MAGEC1: variants seen among roughly 807,000 people sequenced by gnomAD.
The protein encoded by MAGEC1 is MAGE family member C1, also known as melanoma-associated antigen C1.
MAGEC1 carries 3 observed loss-of-function variants against 1.5 expected under a neutral mutation model. The observed-to-expected ratio is 1.97, with a 90% CI of 0.90 to 5.10. The LOEUF (loss-of-function observed/expected upper bound fraction) is 5.10. MAGEC1 is among the 30% of genes most tolerant of loss of function. The pLI, the probability that MAGEC1 is intolerant of heterozygous loss-of-function variation, is 0.02. For missense variants in MAGEC1, 985 were observed against 803.1 expected, an observed-to-expected ratio of 1.23 and a Z score of -2.74; for synonymous variants, 357 against 310.4, an observed-to-expected ratio of 1.15 and a Z score of -1.58.
rs1036681680 is a variant in MAGEC1, at chrX:141,904,802, G to A, written c.-116G>A. Reference sequence around the variant, plus strand: ...CCACAGCAGAGGAGGCCCAGGCAGTGCCAGGAGTCAAGGTGAGTGCACGAC... The same window carrying A: ...CCACAGCAGAGGAGGCCCAGGCAGTACCAGGAGTCAAGGTGAGTGCACGAC... On this transcript the variant is annotated 5_prime_UTR_variant, in exon 2 of 4. Transcript: ENST00000285879. 7.2e-6 allele frequency: 3 copies of A among 413,875 alleles called. No homozygotes were observed. Among genetic ancestry groups the A allele is most frequent in the African/African-American group, 5.0e-5 (2 of 39,666 alleles). The allele number at this position is 413,875 out of a possible 1,213,427, so 34.1% of individuals were successfully genotyped here.
At position 141,906,566 on chromosome X, in the gene MAGEC1, C is replaced by A. The variant is rs113701062; in HGVS notation, c.1162C>A (p.Leu388Ile). ...CTCCTTCTCCTCCACTTTACTGAGT[C>A]TTTTCCAGAGTTCCCCTGAGAGAAC... ...SPSFSSTLLS[L>I]FQSSPERTHS... Residue 388 changes from leucine (L) to isoleucine (I), a missense_variant, in exon 4 of 4, where the codon CTT becomes ATT. Physicochemically the swap from Leu to Ile is conservative, Grantham distance 5. Transcript: ENST00000285879. 1,143 of 1,192,485 alleles carry A rather than the reference C, an allele frequency of 9.6e-4. 13 individuals are homozygous for A. In the African/African-American group the frequency reaches 0.017, roughly 17 times the overall value.
In MAGEC1 at chrX:141,908,076, TGACA is replaced by T. The variant is rs2124152714; in HGVS notation, c.2678_2681del (p.Asp893AlafsTer4). ...GACACCTTGCTAGAGAGTGATTCCT[TGACA>T]GACAGCGAGTCCTTGATAGAGAGCG... On this transcript the variant is annotated frameshift_variant, in exon 4 of 4. Transcript: ENST00000285879. LOFTEE classifies it low-confidence loss of function (END_TRUNC). 1 of 1,212,045 alleles carries T rather than the reference TGACA, an allele frequency of 8.3e-7. No homozygotes were observed. The highest frequency in any genetic ancestry group is 1.1e-6 in the Non-Finnish European group (1 of 895,595).
In MAGEC1 at chrX:141,905,993, C is replaced by T. The variant is rs747108314; in HGVS notation, c.589C>T (p.Pro197Ser). Residue 197 changes from proline (P) to serine (S), a missense_variant, in exon 4 of 4, where the codon CCA becomes TCA. Physicochemically the swap from Pro to Ser is moderately conservative, Grantham distance 74. Coordinates refer to ENST00000285879, the MANE Select transcript of MAGEC1 (RefSeq NM_005462.5). Reference protein sequence around the residue: ...QSPFEGFPQSPLQIPVSRSFS... With the variant: ...QSPFEGFPQSSLQIPVSRSFS... The stretch of plus-strand genomic sequence containing the variant: ...TCCTTTTGAGGGTTTTCCCCAGTCT[C>T]CACTCCAGATTCCTGTGAGCCGCTC... The T allele has an allele frequency of 1.2e-5, 14 of 1,206,478 alleles. No individual in the cohort carries two copies. Among genetic ancestry groups the T allele is most frequent in the South Asian group, 1.8e-5 (1 of 56,457 alleles).
rs1205955531 is a variant in MAGEC1, at chrX:141,905,605, C to T, written c.201C>T (p.Leu67=). ...AGGGGGAGGACTCCTCGGATCCTCT[C>T]CAGAGACCTCCTGAGGGGAAGGACT... ...RSEGEDSSDP[L]QRPPEGKDSQ... The change falls in exon 4 of 4, where the codon CTC becomes CTT. Residue 67 remains leucine, a synonymous_variant. Transcript: ENST00000285879. 8.3e-7 allele frequency: 1 copy of T among 1,203,279 alleles called. No homozygotes were observed. The highest frequency in any genetic ancestry group is 1.1e-6 in the Non-Finnish European group (1 of 892,925).
In MAGEC1 at chrX:141,908,913, A is replaced by T; in HGVS notation, c.*80A>T. On this transcript the variant is annotated 3_prime_UTR_variant, in exon 4 of 4. Transcript: ENST00000285879. ...TGGTGGAGGGCCTGGTTGAGGCTGG[A>T]GAGAACACAGTGCTATTTGCATTTC... is the stretch of plus-strand genomic sequence containing the variant. 1.2e-6 allele frequency: 1 copy of T among 852,782 alleles called. No individual in the cohort carries two copies. Among genetic ancestry groups the T allele is most frequent in the Non-Finnish European group, 1.6e-6 (1 of 610,515 alleles). 70.3% of individuals were successfully genotyped at this position (852,782 alleles called of 1,213,427 possible). A position where few individuals can be genotyped will look rare whatever the true frequency, so the allele number is the denominator to read the frequency against.
rs763952638 is a variant in MAGEC1, at chrX:141,908,504, C to A, written c.3100C>A (p.His1034Asn). ...AATAGGGGTGCGTGCTGGGAGGGAG[C>A]ACTTTGCCTTTGGGGAGCCCAGGGA... ...SGIGVRAGRE[H>N]FAFGEPRELL... Residue 1034 changes from histidine to asparagine, a missense_variant, in exon 4 of 4, where the codon CAC becomes AAC. By Grantham distance (68) the His-to-Asn change is moderately conservative. Coordinates refer to ENST00000285879, the MANE Select transcript of MAGEC1 (RefSeq NM_005462.5). 2.5e-6 allele frequency: 3 copies of A among 1,194,850 alleles called. No homozygotes were observed. Among genetic ancestry groups the A allele is most frequent in the Non-Finnish European group, 3.4e-6 (3 of 886,995 alleles).
rs1017878135 is a variant in MAGEC1, at chrX:141,907,759, C to T, written c.2355C>T (p.Tyr785=). ...LQRPVSSFFS[Y]TLASLLQSSH... ...GACCTGTCAGCTCCTTCTTCTCCTA[C>T]ACTTTAGCGAGTCTTCTCCAAAGTT... The change falls in exon 4 of 4, where the codon TAC becomes TAT. Residue 785 remains tyrosine, a synonymous_variant. Transcript: ENST00000285879. The T allele has an allele frequency of 4.1e-6, 5 of 1,209,809 alleles. No individual in the cohort carries two copies. Among genetic ancestry groups the T allele is most frequent in the Non-Finnish European group, 5.6e-6 (5 of 894,898 alleles).
Position 141,906,051 on chromosome X carries a change from G to A in MAGEC1, c.647G>A (p.Ser216Asn). The A allele has an allele frequency of 4.3e-6, 5 of 1,165,973 alleles. No homozygotes were observed. In the South Asian group the frequency reaches 9.1e-5, roughly 21 times the overall value. Reference protein sequence around the residue: ...FSSTLLSIFQSSPERTQSTFE... With the variant: ...FSSTLLSIFQNSPERTQSTFE... ...TCCACTTTATTGAGTATTTTCCAGA[G>A]TTCCCCTGAGAGAACTCAGAGTACT... is the stretch of plus-strand genomic sequence containing the variant. Residue 216 changes from serine to asparagine, a missense_variant, in exon 4 of 4, where the codon AGT becomes AAT. Transcript: ENST00000285879.
At chrX:141,904,428 G>A (rs1037824669) in intron 1 of MAGEC1, among the ~76,000 whole-genome samples, 1 of 110,591 alleles carries the variant, frequency 9.0e-6, no homozygotes, top group Admixed American at 9.5e-5. Context: ...GGACTGAGGG[G>A]TCACATGTGC....
rs1174975667 is a variant in MAGEC1 at position 141,908,853 on chromosome X, C to T, written c.*20C>T. 5 of 1,157,530 alleles carry T rather than the reference C, an allele frequency of 4.3e-6. No homozygotes were observed. Among genetic ancestry groups the T allele is most frequent in the South Asian group, 2.1e-5 (1 of 47,962 alleles). ...GAGTGAAGTCTAGGGCAGATTCTTCCCTCTGAGTTTGAAGGGGGCAGTCGA... is the reference window on the plus strand; with the variant it reads ...GAGTGAAGTCTAGGGCAGATTCTTCTCTCTGAGTTTGAAGGGGGCAGTCGA... On this transcript the variant is annotated 3_prime_UTR_variant, in exon 4 of 4. Coordinates refer to ENST00000285879, the MANE Select transcript of MAGEC1 (RefSeq NM_005462.5).
rs140839403 is a variant in MAGEC1 at position 141,908,081 on chromosome X, G to A, written c.2677G>A (p.Asp893Asn). The A allele has an allele frequency of 9.7e-5, 118 of 1,210,432 alleles. No individual in the cohort carries two copies. The highest frequency in any genetic ancestry group is 1.3e-4 in the Non-Finnish European group (114 of 895,372). ...CTTGCTAGAGAGTGATTCCTTGACA[G>A]ACAGCGAGTCCTTGATAGAGAGCGA... is the stretch of plus-strand genomic sequence containing the variant. ...DTLLESDSLT[D>N]SESLIESEPL... Residue 893 changes from aspartate to asparagine, a missense_variant, in exon 4 of 4, where the codon GAC becomes AAC. Transcript: ENST00000285879.
Position 141,907,247 on chromosome X carries a change from C to G in MAGEC1, c.1843C>G (p.Pro615Ala). ...GTCTCCTCTCTACTTTCCTCAGAGT[C>G]CTCTTCAGGGGGAGGAATTCCAGTC... is the stretch of plus-strand genomic sequence containing the variant. ...SMSPLYFPQS[P>A]LQGEEFQSSL... is the part of the protein sequence containing the mutation. The change falls in exon 4 of 4, where the codon CCT (proline) becomes GCT (alanine). Residue 615 changes from proline (P) to alanine (A), a missense_variant. Pro to Ala is a conservative substitution (Grantham distance 27). Transcript: ENST00000285879. The G allele has an allele frequency of 8.3e-7, 1 of 1,210,374 alleles. No individual in the cohort carries two copies. Among genetic ancestry groups the G allele is most frequent in the Non-Finnish European group, 1.1e-6 (1 of 895,040 alleles).
At position 141,907,318 on chromosome X, in the gene MAGEC1, C is replaced by T; in HGVS notation, c.1914C>T (p.Ser638=). ...GCATCTGCTCCTCCTCCACTCCATC[C>T]AGTCTTCCCCAGAGTTTCCCTGAGA... ...PVSICSSSTP[S]SLPQSFPESS... The change falls in exon 4 of 4, where the codon TCC becomes TCT. Residue 638 remains serine, a synonymous_variant. Transcript: ENST00000285879. 1.7e-6 allele frequency: 2 copies of T among 1,203,087 alleles called. No homozygotes were observed. Among genetic ancestry groups the T allele is most frequent in the Non-Finnish European group, 2.2e-6 (2 of 892,206 alleles).
Position 141,907,504 on chromosome X carries a change from G to T in MAGEC1, c.2100G>T (p.Glu700Asp). ...TCCAAATTCCTCAGAGTCCTCTTGA[G>T]GGAGAGGACTCCCTGTCTTCTCTCC... ...SPLQIPQSPL[E>D]GEDSLSSLHF... The change falls in exon 4 of 4, where the codon GAG becomes GAT. Residue 700 changes from glutamate (E) to aspartate (D), a missense_variant. By Grantham distance (45) the Glu-to-Asp change is conservative. Transcript: ENST00000285879. 8.3e-7 allele frequency: 1 copy of T among 1,201,984 alleles called. No homozygotes were observed. The highest frequency in any genetic ancestry group is 1.8e-5 in the South Asian group (1 of 56,085).
In MAGEC1 at chrX:141,908,760, ACAC is replaced by A; in HGVS notation, c.3360_3362del (p.Thr1121del). The A allele has an allele frequency of 8.3e-7, 1 of 1,210,887 alleles. No individual in the cohort carries two copies. The highest frequency in any genetic ancestry group is 1.1e-6 in the Non-Finnish European group (1 of 894,922). On this transcript the variant is annotated inframe_deletion, in exon 4 of 4. Transcript: ENST00000285879. ...GAAGAGAGAGCCCAGGCCATAATTG[ACAC>A]CACAGATGATTCGACTGCCACAGAA...
Position 141,908,246 on chromosome X carries a change from G to T in MAGEC1, c.2842G>T (p.Val948Leu). Residue 948 changes from valine to leucine, a missense_variant, in exon 4 of 4, where the codon GTG becomes TTG. By Grantham distance (32) the Val-to-Leu change is conservative (BLOSUM62 1). Coordinates refer to ENST00000285879, the MANE Select transcript of MAGEC1 (RefSeq NM_005462.5). ...VISRYTGYFPVIFRKAREFIE... is the reference protein window; with the variant it reads ...VISRYTGYFPLIFRKAREFIE... ...CAGCAGGTACACGGGCTACTTTCCTGTGATCTTCAGGAAAGCCCGTGAGTT... is the reference window on the plus strand; with the variant it reads ...CAGCAGGTACACGGGCTACTTTCCTTTGATCTTCAGGAAAGCCCGTGAGTT... The T allele has an allele frequency of 8.3e-7, 1 of 1,211,576 alleles. No homozygotes were observed. The highest frequency in any genetic ancestry group is 1.1e-6 in the Non-Finnish European group (1 of 895,467).
In MAGEC1 at chrX:141,909,047, A is replaced by T; in HGVS notation, c.*214A>T. ...ATAGCTTCAGAATCCTAGTTTATGC[A>T]CATGAGTCGCACATGTATTGCTGTT... is the stretch of plus-strand genomic sequence containing the variant. On this transcript the variant is annotated 3_prime_UTR_variant, in exon 4 of 4. Coordinates refer to ENST00000285879, the MANE Select transcript of MAGEC1 (RefSeq NM_005462.5). The T allele has an allele frequency of 3.1e-6, 1 of 325,383 alleles. No individual in the cohort carries two copies. Among genetic ancestry groups the T allele is most frequent in the Non-Finnish European group, 5.3e-6 (1 of 187,774 alleles). 26.8% of individuals were successfully genotyped at this position (325,383 alleles called of 1,213,427 possible).
Position 141,906,514 on chromosome X carries a change from G to C in MAGEC1, c.1110G>C (p.Gln370His), listed in dbSNP as rs144670021. ...AAAGTACTTTTGAGGGTTTTCCCCA[G>C]TCTCCTCTCCAGATTCCTGGGAGCC... The part of the protein sequence containing the change: ...SAQSTFEGFP[Q>H]SPLQIPGSPS... The change falls in exon 4 of 4, where the codon CAG becomes CAC. Residue 370 changes from glutamine to histidine, a missense_variant. Physicochemically the swap from Gln to His is conservative, Grantham distance 24 (BLOSUM62 0). Transcript: ENST00000285879. The C allele has an allele frequency of 8.4e-7, 1 of 1,194,271 alleles. No individual in the cohort carries two copies. The highest frequency in any genetic ancestry group is 3.0e-5 in the East Asian group (1 of 32,890).
chrX:141,907,603 G>A lies in MAGEC1; in HGVS notation c.2199G>A (p.Gly733=). Residue 733 remains glycine (G), a synonymous_variant, in exon 4 of 4, where the codon GGG becomes GGA. Coordinates refer to ENST00000285879, the MANE Select transcript of MAGEC1 (RefSeq NM_005462.5). The part of the protein sequence containing the change: ...PLHFPQFPPQ[G]EDFQSSLQSP... ...ACTTTCCTCAGTTTCCTCCTCAGGG[G>A]GAGGACTTCCAGTCTTCTCTCCAGA... 3.3e-6 allele frequency: 4 copies of A among 1,207,436 alleles called. No individual in the cohort carries two copies. Among genetic ancestry groups the A allele is most frequent in the Non-Finnish European group, 4.5e-6 (4 of 894,010 alleles).
Sources: gnomAD v4.1 joint callset for allele counts (sites outside exome capture counted in the v4.1 genomes callset) on GRCh38, gnomAD v4.1.1 for gene constraint, MANE v1.5 for transcripts, NCBI Gene and HGNC (gene_info 2026-07-23, HGNC 2026-07-21) for gene names.